The following SPCS3 variants were observed in gnomAD, a reference collection of about 807,000 sequenced individuals.
SPCS3 encodes signal peptidase complex subunit 3.
A neutral mutation model predicts 17.2 loss-of-function variants in SPCS3; 9 were observed. The observed-to-expected ratio is 0.52, with a 90% CI of 0.31 to 0.91. The LOEUF is 0.91. Among genes scored for constraint, SPCS3 ranks in the 40% least tolerant of loss-of-function variants. The probability of loss-of-function intolerance (pLI) is 0.04; values close to 1 mark genes in which losing one functional copy is unlikely to be tolerated. For missense variants in SPCS3, 139 were observed against 217.5 expected (o/e 0.64, Z 2.27); for synonymous variants, 87 against 89.6 (o/e 0.97, Z 0.16).
Position 176,320,028 on chromosome 4 carries a change from G to A in SPCS3, c.-49G>A, listed in dbSNP as rs1731512748. On this transcript the variant is annotated 5_prime_UTR_variant, in exon 1 of 5. Transcript: ENST00000503362. The stretch of plus-strand genomic sequence containing the variant: ...CAGGGAGCCGGTCCGCCGCCGGAAC[G>A]GGAGCCTGGGTGTGCGTGTGGAGTC... 1.2e-5 allele frequency: 18 copies of A among 1,443,304 alleles called. No individual in the cohort carries two copies. Among genetic ancestry groups the A allele is most frequent in the Non-Finnish European group, 1.7e-5 (18 of 1,082,022 alleles). The allele number at this position is 1,443,304 out of a possible 1,614,324, so 89.4% of individuals were successfully genotyped here. A position where few individuals can be genotyped will look rare whatever the true frequency, so the allele number is the denominator to read the frequency against.
Position 176,328,470 on chromosome 4 carries a change from C to T in SPCS3, c.*140C>T. 1 of 533,166 alleles carries T rather than the reference C, an allele frequency of 1.9e-6. No homozygotes were observed. Among genetic ancestry groups the T allele is most frequent in the East Asian group, 3.8e-5 (1 of 26,498 alleles). The allele number at this position is 533,166 out of a possible 1,614,324, so 33.0% of individuals were successfully genotyped here. On this transcript the variant is annotated 3_prime_UTR_variant, in exon 5 of 5. Coordinates refer to ENST00000503362, the MANE Select transcript of SPCS3 (RefSeq NM_021928.4). ...TTTTTTTTTTTGGTATAAGAACTAACATCAAAAGGCCTGTTTAAAGGGAAA... is the reference window on the plus strand; with the variant it reads ...TTTTTTTTTTTGGTATAAGAACTAATATCAAAAGGCCTGTTTAAAGGGAAA...
At chr4:176,321,986 C>T (rs971177244) in intron 1 of SPCS3, 184 bp from the exon 2 acceptor site, 4 of 450,268 alleles carry the variant, frequency 8.9e-6, no homozygotes, top group Admixed American at 4.1e-5. Context: ...TGAAGACCTA[C>T]TTTAATATTG....
chr4:176,324,068 C>T (rs1731571782), intron 2 of SPCS3, 113 bp from the exon 3 acceptor site: 2 of 499,834 alleles, frequency 4.0e-6, no homozygotes, highest in Non-Finnish European at 6.2e-6. Context: ...GTTTCTGGGC[C>T]GCCTCTTTTC....
At position 176,329,722 on chromosome 4, in the gene SPCS3, C is replaced by T. The variant is rs946748669; in HGVS notation, c.*1392C>T. The stretch of plus-strand genomic sequence containing the variant: ...TTTTTTTCTGCAGTGGACAAATAAA[C>T]ATCCTCAAAGTAGCAACTGCAAATC... On this transcript the variant is annotated 3_prime_UTR_variant, in exon 5 of 5. Coordinates refer to ENST00000503362, the MANE Select transcript of SPCS3 (RefSeq NM_021928.4). The T allele has an allele frequency of 9.2e-5, 14 of 151,498 alleles. No homozygotes were observed. The highest frequency in any genetic ancestry group is 3.4e-4 in the African/African-American group (14 of 41,220). The allele number at this position is 151,498 out of a possible 1,614,324, so 9.4% of individuals were successfully genotyped here. A position where few individuals can be genotyped will look rare whatever the true frequency, so the allele number is the denominator to read the frequency against.
Position 176,324,180 on chromosome 4 carries a change from C to T in SPCS3, c.218-1C>T, listed in dbSNP as rs955729292. ...ATTTATATTTTCCTTAATTTACTTA[C>T]ATCTAGAGAATATATTTGATTGGAA... On this transcript the variant is annotated splice_acceptor_variant, in intron 2 of 4. Coordinates refer to ENST00000503362, the MANE Select transcript of SPCS3 (RefSeq NM_021928.4). LOFTEE classifies it high-confidence loss of function. 2 of 1,143,846 alleles carry T rather than the reference C, an allele frequency of 1.7e-6. No homozygotes were observed. The highest frequency in any genetic ancestry group is 2.4e-6 in the Non-Finnish European group (2 of 831,032). The allele number at this position is 1,143,846 out of a possible 1,614,324, so 70.9% of individuals were successfully genotyped here. A position where few individuals can be genotyped will look rare whatever the true frequency, so the allele number is the denominator to read the frequency against.
rs182097521 is a variant in SPCS3, at chr4:176,330,475, C to G, written c.*2145C>G. On this transcript the variant is annotated 3_prime_UTR_variant, in exon 5 of 5. Transcript: ENST00000503362. ...TTGAATTACAGTTATTTGACAAGCCCACTTTTTTTGGAGTTTGGTGAGGAA... is the reference window on the plus strand; with the variant it reads ...TTGAATTACAGTTATTTGACAAGCCGACTTTTTTTGGAGTTTGGTGAGGAA... 1 of 152,264 alleles carries G rather than the reference C, an allele frequency of 6.6e-6. No homozygotes were observed. Among genetic ancestry groups the G allele is most frequent in the East Asian group, 1.9e-4 (1 of 5,180 alleles). The allele number at this position is 152,264 out of a possible 1,614,324, so 9.4% of individuals were successfully genotyped here.
At chr4:176,327,367 G>A in intron 4 of SPCS3, 90 bp downstream of exon 4, 1 of 789,004 alleles carries the variant, frequency 1.3e-6, no homozygotes, top group Non-Finnish European at 1.9e-6. Context: ...ATACTTGAGA[G>A]TAAAAGGAGA....
In SPCS3 at chr4:176,329,232, C is replaced by T. The variant is rs1192966860; in HGVS notation, c.*902C>T. 2 of 152,046 alleles carry T rather than the reference C, an allele frequency of 1.3e-5. No homozygotes were observed. The highest frequency in any genetic ancestry group is 4.8e-5 in the African/African-American group (2 of 41,420). 9.4% of individuals were successfully genotyped at this position (152,046 alleles called of 1,614,324 possible). On this transcript the variant is annotated 3_prime_UTR_variant, in exon 5 of 5. Coordinates refer to ENST00000503362, the MANE Select transcript of SPCS3 (RefSeq NM_021928.4). ...TGGTATGCTTTCCATTTACAAACCA[C>T]TCATATACTTTAGTGTATGTCATCC... is the stretch of plus-strand genomic sequence containing the variant.
At chr4:176,322,337 T>C (rs1731549237) in intron 2 of SPCS3, 94 bp downstream of exon 2, 3 of 831,530 alleles carry the variant, frequency 3.6e-6, no homozygotes, top group Non-Finnish European at 5.7e-6. Context: ...GACTATCTCA[T>C]TGAATCAGCC....
chr4:176,328,569 A>G lies in SPCS3; in HGVS notation c.*239A>G, dbSNP rs886612790. On this transcript the variant is annotated 3_prime_UTR_variant, in exon 5 of 5. Transcript: ENST00000503362. ...CCACAGTGGAATATTATCTTACAAG[A>G]ATAAGAACTACATAAAACAGATTTG... The G allele has an allele frequency of 3.9e-6, 1 of 255,276 alleles. No homozygotes were observed. The highest frequency in any genetic ancestry group is 2.2e-5 in the African/African-American group (1 of 44,474). 15.8% of individuals were successfully genotyped at this position (255,276 alleles called of 1,614,324 possible). A position where few individuals can be genotyped will look rare whatever the true frequency, so the allele number is the denominator to read the frequency against.
In SPCS3 at chr4:176,330,698, CAG is replaced by C. The variant is rs1731674923; in HGVS notation, c.*2369_*2370del. 1 of 152,140 alleles carries C rather than the reference CAG, an allele frequency of 6.6e-6. No homozygotes were observed. Among genetic ancestry groups the C allele is most frequent in the African/African-American group, 2.4e-5 (1 of 41,422 alleles). 9.4% of individuals were successfully genotyped at this position (152,140 alleles called of 1,614,324 possible). On this transcript the variant is annotated 3_prime_UTR_variant, in exon 5 of 5. Coordinates refer to ENST00000503362, the MANE Select transcript of SPCS3 (RefSeq NM_021928.4). ...ATAACCAGTTCATTTGCTTTAGTCT[CAG>C]TGTTTTAAAGAAGTCTCATAATGTT... is the stretch of plus-strand genomic sequence containing the variant.
At position 176,324,105 on chromosome 4, in the gene SPCS3, A is replaced by G. The variant is rs1307854694; in HGVS notation, c.218-76A>G. On this transcript the variant is annotated intron_variant, in intron 2 of 4. Transcript: ENST00000503362. ...ACTTTAGTATTACTGTTATGGATAA[A>G]TAACCTAAGAATAATTAAGATCTAT... is the stretch of plus-strand genomic sequence containing the variant. 3.9e-6 allele frequency: 3 copies of G among 767,924 alleles called. No homozygotes were observed. In the African/African-American group the frequency reaches 5.6e-5, roughly 14 times the overall value. The allele number at this position is 767,924 out of a possible 1,614,324, so 47.6% of individuals were successfully genotyped here. A position where few individuals can be genotyped will look rare whatever the true frequency, so the allele number is the denominator to read the frequency against.
chr4:176,329,006 T>C lies in SPCS3; in HGVS notation c.*676T>C, dbSNP rs1173552908. 1 of 152,140 alleles carries C rather than the reference T, an allele frequency of 6.6e-6. No individual in the cohort carries two copies. The highest frequency in any genetic ancestry group is 1.5e-5 in the Non-Finnish European group (1 of 67,986). The allele number at this position is 152,140 out of a possible 1,614,324, so 9.4% of individuals were successfully genotyped here. A position where few individuals can be genotyped will look rare whatever the true frequency, so the allele number is the denominator to read the frequency against. On this transcript the variant is annotated 3_prime_UTR_variant, in exon 5 of 5. Transcript: ENST00000503362. The stretch of plus-strand genomic sequence containing the variant: ...AAATCTTTTAGGTCAGCAAAATGTG[T>C]GTCTTCAGTGCTTTCTCTAAAAACG...
At position 176,320,014 on chromosome 4, in the gene SPCS3, T is replaced by C. The variant is rs1312317865; in HGVS notation, c.-63T>C. ...GACGGCGCGGATCGCAGGGAGCCGG[T>C]CCGCCGCCGGAACGGGAGCCTGGGT... On this transcript the variant is annotated 5_prime_UTR_variant, in exon 1 of 5. Coordinates refer to ENST00000503362, the MANE Select transcript of SPCS3 (RefSeq NM_021928.4). The C allele has an allele frequency of 7.0e-7, 1 of 1,423,472 alleles. No individual in the cohort carries two copies. 88.2% of individuals were successfully genotyped at this position (1,423,472 alleles called of 1,614,324 possible).
At chr4:176,321,610 T>C (rs988495340) in intron 1 of SPCS3, 1 of 152,272 alleles carries the variant, frequency 6.6e-6, no homozygotes, top group Non-Finnish European at 1.5e-5. Flanking sequence ...AACTTACAAG[T>C]TAAGCACAAT....
chr4:176,330,992 A>C lies in SPCS3; in HGVS notation c.*2662A>C, dbSNP rs1484560119. 2.6e-5 allele frequency: 4 copies of C among 152,226 alleles called. No individual in the cohort carries two copies. The highest frequency in any genetic ancestry group is 2.6e-4 in the Admixed American group (4 of 15,284). The allele number at this position is 152,226 out of a possible 1,614,324, so 9.4% of individuals were successfully genotyped here. On this transcript the variant is annotated 3_prime_UTR_variant, in exon 5 of 5. Coordinates refer to ENST00000503362, the MANE Select transcript of SPCS3 (RefSeq NM_021928.4). Reference sequence around the variant, plus strand: ...CTGAAAGGAAAATAACAAAAACTTCAGAAATTCCTAAGGGTGTAATAAGAA... The same window carrying C: ...CTGAAAGGAAAATAACAAAAACTTCCGAAATTCCTAAGGGTGTAATAAGAA...
intron 4 of SPCS3, 190 bp downstream of exon 4, chr4:176,327,467 G>T: frequency 2.5e-6 from 1 of 404,824 alleles, no homozygotes; most frequent in East Asian, 4.9e-5. Context: ...TTCTCTTGCA[G>T]TTTCTGAAAT....
At chr4:176,327,636 A>G (rs948602652) in intron 4 of SPCS3, among the ~76,000 whole-genome samples, 2 of 152,230 alleles carry the variant, frequency 1.3e-5, no homozygotes, top group Non-Finnish European at 2.9e-5. Context: ...AGTTGATAAT[A>G]GTTAAAAGAA....
At chr4:176,320,474 T>G (rs1731520617) in intron 1 of SPCS3, 1 of 235,172 alleles carries the variant, frequency 4.3e-6, no homozygotes, top group African/African-American at 2.3e-5. Flanking sequence ...TGAGCGTTCC[T>G]CAGGTCGGTG....
Sources: gnomAD v4.1 joint callset for allele counts (sites outside exome capture counted in the v4.1 genomes callset) on GRCh38, gnomAD v4.1.1 for gene constraint, MANE v1.5 for transcripts, NCBI Gene and HGNC (gene_info 2026-07-23, HGNC 2026-07-21) for gene names.